Variants in DGKI observed in about 807,000 individuals in gnomAD.
DGKI encodes DAG kinase iota.
In DGKI, 55 loss-of-function variants were observed where a neutral mutation model predicts 147.5. The ratio of observed to expected loss-of-function variants is 0.37; its 90% confidence interval spans 0.30 to 0.47. The LOEUF (loss-of-function observed/expected upper bound fraction) is 0.47. Among genes scored for constraint, DGKI ranks in the 20% least tolerant of loss-of-function variants. The pLI is 1.00. For synonymous variants in DGKI, 469 were observed against 477.1 expected, an observed-to-expected ratio of 0.98 and a Z score of 0.22; for missense variants, 1,007 against 1,323.8, an observed-to-expected ratio of 0.76 and a Z score of 3.71.
At chr7:137,435,825 G>A (rs900829607) in intron 28 of DGKI, among the ~76,000 whole-genome samples, 6 of 152,190 alleles carry the variant, frequency 3.9e-5, no homozygotes, top group Non-Finnish European at 8.8e-5. Context: ...TGTAGCCCAG[G>A]CTAGAGTACA....
intron 10 of DGKI, among the ~76,000 whole-genome samples, chr7:137,605,714 A>T (rs1235280570): frequency 6.6e-6 from 1 of 152,228 alleles, no homozygotes; most frequent in African/African-American, 2.4e-5. Context: ...GCACAGAAAG[A>T]CAAAAATTGA....
chr7:137,777,346 C>A (rs1186429286), intron 1 of DGKI, among the ~76,000 whole-genome samples: 1 of 152,048 alleles, frequency 6.6e-6, no homozygotes, highest in Non-Finnish European at 1.5e-5. Flanking sequence ...GGGATTCCAC[C>A]AAGAAAGAAT....
At chr7:137,457,342 T>C (rs1302077155) in intron 27 of DGKI, among the ~76,000 whole-genome samples, 2 of 152,222 alleles carry the variant, frequency 1.3e-5, no homozygotes, top group Non-Finnish European at 2.9e-5. Context: ...GCTGAAAGAA[T>C]ATTTCCAAAA....
intron 1 of DGKI, among the ~76,000 whole-genome samples, chr7:137,775,344 G>A (rs1044786064): frequency 6.6e-6 from 1 of 152,168 alleles, no homozygotes; most frequent in African/African-American, 2.4e-5. Context: ...TCCAGGCAAG[G>A]AAATACTGAC....
chr7:137,408,876 G>A (rs1812059923), intron 29 of DGKI, among the ~76,000 whole-genome samples: 1 of 152,104 alleles, frequency 6.6e-6, no homozygotes, highest in Non-Finnish European at 1.5e-5. Context: ...GCTTCTAACA[G>A]GTAATTTTAG....
At chr7:137,444,738 A>G (rs2030968) in intron 27 of DGKI, among the ~76,000 whole-genome samples, 66,304 of 151,984 alleles carry the variant, frequency 0.44, 15,103 homozygotes, top group East Asian at 0.74. Flanking sequence ...TTTAATTATG[A>G]TAATCAGATC....
At chr7:137,473,329 G>T (rs915236773) in intron 23 of DGKI, among the ~76,000 whole-genome samples, 1 of 152,012 alleles carries the variant, frequency 6.6e-6, no homozygotes, top group Non-Finnish European at 1.5e-5. Context: ...AAAACACATG[G>T]GTCGCCATAA....
At chr7:137,458,664 T>G (rs1814300197) in intron 27 of DGKI, among the ~76,000 whole-genome samples, 1 of 152,202 alleles carries the variant, frequency 6.6e-6, no homozygotes, top group African/African-American at 2.4e-5. Context: ...TTTCATTCCA[T>G]GCCTATTTTC....
chr7:137,818,896 T>C (rs1797815264), intron 1 of DGKI, among the ~76,000 whole-genome samples: 1 of 152,130 alleles, frequency 6.6e-6, no homozygotes, highest in African/African-American at 2.4e-5. Context: ...CCTAAGACAA[T>C]TAGAAATAAC....
chr7:137,773,809 C>T (rs1290757510), intron 1 of DGKI, among the ~76,000 whole-genome samples: 1 of 152,098 alleles, frequency 6.6e-6, no homozygotes, highest in Non-Finnish European at 1.5e-5. Context: ...CAATACTAAC[C>T]TGTAGACATT....
intron 28 of DGKI, among the ~76,000 whole-genome samples, chr7:137,441,643 A>C (rs773781925): frequency 1.8e-4 from 27 of 152,190 alleles, no homozygotes; most frequent in Non-Finnish European, 2.5e-4. Flanking sequence ...GACGTTGCAA[A>C]ATTAGATTTT....
chr7:137,722,857 T>C, intron 1 of DGKI: 1 of 1,015,992 alleles, frequency 9.8e-7, no homozygotes, highest in Non-Finnish European at 1.5e-6. Flanking sequence ...GTTCTAAATG[T>C]CTTAAGAACT....
intron 30 of DGKI, among the ~76,000 whole-genome samples, chr7:137,401,632 C>A (rs907724926): frequency 6.6e-6 from 1 of 152,212 alleles, no homozygotes; most frequent in African/African-American, 2.4e-5. Context: ...AGACACTATG[C>A]CATCTCCCCT....
chr7:137,761,741 C>G (rs1481192542), intron 1 of DGKI, among the ~76,000 whole-genome samples: 1 of 152,196 alleles, frequency 6.6e-6, no homozygotes, highest in Non-Finnish European at 1.5e-5. Context: ...ATACCCAAGG[C>G]TTTAACTACC....
chr7:137,554,893 T>C (rs1300589412), intron 19 of DGKI, among the ~76,000 whole-genome samples: 1 of 149,288 alleles, frequency 6.7e-6, no homozygotes, highest in East Asian at 2.0e-4. Context: ...CAAAAAAGAA[T>C]AGAAAACATA....
chr7:137,568,623 G>A (rs1335545219), intron 19 of DGKI, among the ~76,000 whole-genome samples: 5 of 152,162 alleles, frequency 3.3e-5, no homozygotes, highest in Admixed American at 6.5e-5. Flanking sequence ...CTCTCTGCCA[G>A]GTGAGCACAG....
intron 1 of DGKI, among the ~76,000 whole-genome samples, chr7:137,758,436 A>T (rs1795754029): frequency 6.6e-6 from 1 of 152,252 alleles, no homozygotes; most frequent in Non-Finnish European, 1.5e-5. Flanking sequence ...CTGTAATCCC[A>T]GCATTTTGGG....
At chr7:137,506,504 G>T (rs1174567245) in intron 21 of DGKI, among the ~76,000 whole-genome samples, 3 of 152,094 alleles carry the variant, frequency 2.0e-5, no homozygotes, top group Non-Finnish European at 2.9e-5. Flanking sequence ...GAAATATTCT[G>T]TACAATACAA....
At chr7:137,598,796 C>A (rs950542611) in intron 11 of DGKI, among the ~76,000 whole-genome samples, 1 of 151,780 alleles carries the variant, frequency 6.6e-6, no homozygotes, top group South Asian at 2.1e-4. Flanking sequence ...AAAATAAGCT[C>A]CTAAAATGGC....
Sources: allele counts gnomAD v4.1 joint callset (sites outside exome capture counted in the v4.1 genomes callset), GRCh38; gene constraint gnomAD v4.1.1; transcripts MANE v1.5; gene names NCBI Gene and HGNC (gene_info 2026-07-23, HGNC 2026-07-21).